CLNK: variants seen among roughly 807,000 people sequenced by gnomAD.
The protein encoded by CLNK is cytokine-dependent hematopoietic cell linker.
Under a neutral mutation model 68.6 loss-of-function variants are expected in CLNK, and 74 were observed. The ratio of observed to expected loss-of-function variants is 1.08; its 90% CI spans 0.89 to 1.31. The LOEUF is 1.31. Ranked by LOEUF, CLNK falls within the 50% of genes most tolerant of loss-of-function variation. The pLI, the probability that CLNK is intolerant of heterozygous loss-of-function variation, is 0.00. For missense variants in CLNK, 553 were observed against 515.3 expected, an observed-to-expected ratio of 1.07 and a Z score of -0.71; for synonymous variants, 198 against 172.2, an observed-to-expected ratio of 1.15 and a Z score of -1.17.
chr4:10,661,532 T>G lies in CLNK; in HGVS notation c.11+6327A>C, dbSNP rs189273436. Among the ~76,000 whole-genome samples, 4 of 152,324 alleles carry G rather than the reference T, an allele frequency of 2.6e-5. No homozygotes were observed. The East Asian group carries it at 5.8e-4, about 22-fold the overall frequency. ...GGAAACTTGTTCTTATGTGGCAATA[T>G]GGAATGCTGTTTTAGTGCTGAGCCA... On this transcript the variant is annotated intron_variant, in intron 2 of 18. Coordinates refer to ENST00000226951, the MANE Select transcript of CLNK (RefSeq NM_052964.4).
intron 1 of CLNK, among the ~76,000 whole-genome samples, chr4:10,669,687 A>T (rs1724550317): frequency 6.6e-6 from 1 of 152,178 alleles, no homozygotes; most frequent in South Asian, 2.1e-4. Flanking sequence ...CATAACCCAT[A>T]CTAAAGAACT....
At chr4:10,685,228 A>G (rs1176671144), upstream of CLNK, among the ~76,000 whole-genome samples, 1 of 152,132 alleles carries the variant, frequency 6.6e-6, no homozygotes, top group African/African-American at 2.4e-5. Flanking sequence ...TTGCTGTATT[A>G]ATTATTAGCT....
intron 18 of CLNK, 80 bp downstream of exon 18, chr4:10,501,176 C>T (rs1560189901): frequency 2.1e-6 from 3 of 1,414,868 alleles, no homozygotes. Flanking sequence ...CATCCTCTTC[C>T]TCCAGGGTGA....
chr4:10,509,323 T>G (rs1717463968), intron 16 of CLNK, among the ~76,000 whole-genome samples: 1 of 152,084 alleles, frequency 6.6e-6, no homozygotes, highest in Non-Finnish European at 1.5e-5. Flanking sequence ...ATGAGCTAGC[T>G]CTAACTCAAC....
chr4:10,640,805 G>C (rs1723279660), intron 2 of CLNK, among the ~76,000 whole-genome samples: 1 of 152,194 alleles, frequency 6.6e-6, no homozygotes, highest in African/African-American at 2.4e-5. Flanking sequence ...CTTGTAGCAA[G>C]AACTATAAAC....
In CLNK at chr4:10,513,506, G is replaced by T. The variant is rs2109038721; in HGVS notation, c.864C>A (p.Tyr288Ter). Residue 288 changes from tyrosine (Y) to a stop codon, truncating the protein, a stop_gained, in exon 16 of 19, where the codon TAC (tyrosine) becomes TAA (stop). Transcript: ENST00000226951. LOFTEE classifies it high-confidence loss of function. ...TGGGGAAAGGTGGTCTCCAGCTTGT[G>T]TATTTATAGGGCAGTATATTTTCGT... ...SPHENILPYK[Y>*]TSWRPPFPKR... 6.2e-7 allele frequency: 1 copy of T among 1,612,048 alleles called. No individual in the cohort carries two copies. Among genetic ancestry groups the T allele is most frequent in the East Asian group, 2.2e-5 (1 of 44,832 alleles).
chr4:10,601,573 T>G (rs1297878265), intron 2 of CLNK, among the ~76,000 whole-genome samples: 2 of 152,124 alleles, frequency 1.3e-5, no homozygotes, highest in African/African-American at 4.8e-5. Flanking sequence ...ACAGAAAATG[T>G]TATTAAAGAA....
intron 2 of CLNK, among the ~76,000 whole-genome samples, chr4:10,634,224 G>A (rs1722994846): frequency 6.6e-6 from 1 of 152,206 alleles, no homozygotes; most frequent in African/African-American, 2.4e-5. Context: ...CCTAGGGGAG[G>A]AAGGTTAAAT....
chr4:10,511,208 T>A (rs1717568474), intron 16 of CLNK, among the ~76,000 whole-genome samples: 1 of 151,864 alleles, frequency 6.6e-6, no homozygotes, highest in African/African-American at 2.4e-5. Context: ...GTCTCCTATC[T>A]CCCTAAAAAG....
At chr4:10,579,843 AG>A (rs1720710653) in intron 4 of CLNK, among the ~76,000 whole-genome samples, 1 of 152,198 alleles carries the variant, frequency 6.6e-6, no homozygotes, top group Non-Finnish European at 1.5e-5. Context: ...GCATATTAAA[AG>A]GCTAGGGTAG....
chr4:10,696,225 G>C, the CLNK span, among the ~76,000 whole-genome samples: 1 of 152,224 alleles, frequency 6.6e-6, no homozygotes, highest in African/African-American at 2.4e-5. Context: ...GATGGGTCTC[G>C]TGTGCCACCA....
chr4:10,493,765 G>A (rs997228025), intron 18 of CLNK, among the ~76,000 whole-genome samples: 31 of 152,206 alleles, frequency 2.0e-4, no homozygotes, highest in Non-Finnish European at 3.5e-4. Flanking sequence ...GTAACCAGAG[G>A]GCCTGTGGAG....
chr4:10,622,310 C>G (rs1028505694), intron 2 of CLNK, among the ~76,000 whole-genome samples: 2 of 152,178 alleles, frequency 1.3e-5, no homozygotes, highest in African/African-American at 4.8e-5. Context: ...GGGAGGCAAA[C>G]TTGGGTCACC....
intron 2 of CLNK, among the ~76,000 whole-genome samples, chr4:10,605,063 A>G (rs1296539686): frequency 1.3e-5 from 2 of 152,230 alleles, no homozygotes; most frequent in Non-Finnish European, 2.9e-5. Context: ...AGACTGCACC[A>G]TAAAAAGCCT....
chr4:10,549,199 G>C (rs1270570327), intron 8 of CLNK, among the ~76,000 whole-genome samples: 4 of 152,176 alleles, frequency 2.6e-5, no homozygotes, highest in Admixed American at 2.6e-4. Context: ...CTGATACCAT[G>C]AGCTTCACTT....
At chr4:10,704,409 A>G in the CLNK span, among the ~76,000 whole-genome samples, 2 of 152,202 alleles carry the variant, frequency 1.3e-5, no homozygotes. Flanking sequence ...GATATTTTTT[A>G]TAGGAAACAA....
At chr4:10,727,841 T>G in the CLNK span, among the ~76,000 whole-genome samples, 2 of 152,214 alleles carry the variant, frequency 1.3e-5, no homozygotes, top group African/African-American at 4.8e-5. Context: ...CAAAATCATC[T>G]GATAACTTAT....
intron 3 of CLNK, among the ~76,000 whole-genome samples, chr4:10,593,288 G>C (rs1721252925): frequency 6.6e-6 from 1 of 152,108 alleles, no homozygotes; most frequent in African/African-American, 2.4e-5. Flanking sequence ...GCGGGCAGCG[G>C]TTATGGCCAG....
intron 18 of CLNK, among the ~76,000 whole-genome samples, chr4:10,495,834 GA>G (rs1371645143): frequency 1.3e-5 from 2 of 151,996 alleles, no homozygotes; most frequent in Non-Finnish European, 2.9e-5. Flanking sequence ...TAGAGAGAGA[GA>G]GATGAGGAGA....
Sources: gnomAD v4.1 joint callset for allele counts (sites outside exome capture counted in the v4.1 genomes callset) on GRCh38, gnomAD v4.1.1 for gene constraint, MANE v1.5 for transcripts, NCBI Gene and HGNC (gene_info 2026-07-23, HGNC 2026-07-21) for gene names.